APH1B: variants seen among roughly 807,000 people sequenced by gnomAD.
APH1B encodes the protein aph-1B gamma-secretase subunit.
APH1B carries 27 observed loss-of-function variants against 28.2 expected under a neutral mutation model. The ratio of observed to expected loss-of-function variants is 0.96; its 90% CI spans 0.70 to 1.32. The LOEUF (loss-of-function observed/expected upper bound fraction) is 1.32, where lower values mean the gene tolerates loss of function less well. Among genes scored for constraint, APH1B ranks in the 40% most tolerant of loss-of-function variants. APH1B has a pLI of 0.00. For synonymous variants in APH1B, 141 were observed against 124.6 expected (o/e 1.13, Z -0.88); for missense variants, 305 against 313.6 (o/e 0.97, Z 0.21).
chr15:63,291,044 A>G (rs548459446), intron 4 of APH1B, among the ~76,000 whole-genome samples: 2 of 151,492 alleles, frequency 1.3e-5, no homozygotes, highest in South Asian at 4.1e-4. Flanking sequence ...TTGTCCTTCC[A>G]TCTAATCTTC....
chr15:63,293,354 TG>T (rs2038526126), intron 4 of APH1B, among the ~76,000 whole-genome samples: 3 of 151,792 alleles, frequency 2.0e-5, no homozygotes, highest in African/African-American at 7.2e-5. Context: ...TTAGTAGAGA[TG>T]GGGGTTTCAC....
intron 4 of APH1B, among the ~76,000 whole-genome samples, chr15:63,288,379 A>T (rs1022494749): frequency 1.3e-5 from 2 of 152,204 alleles, no homozygotes; most frequent in African/African-American, 2.4e-5. Flanking sequence ...AAATTTCTGC[A>T]GTAGTTTAGA....
intron 2 of APH1B, among the ~76,000 whole-genome samples, chr15:63,282,416 C>A (rs1322841555): frequency 6.6e-6 from 1 of 152,122 alleles, no homozygotes; most frequent in Non-Finnish European, 1.5e-5. Flanking sequence ...TGAGTTAGAC[C>A]TTAATCACTT....
At chr15:63,298,119 A>C (rs1032747816) in intron 4 of APH1B, among the ~76,000 whole-genome samples, 2 of 152,202 alleles carry the variant, frequency 1.3e-5, no homozygotes, top group African/African-American at 4.8e-5. Flanking sequence ...GGGTTGATGA[A>C]AGAGGGGAGG....
intron 2 of APH1B, among the ~76,000 whole-genome samples, chr15:63,280,810 A>G (rs1368987906): frequency 6.6e-6 from 1 of 152,242 alleles, no homozygotes; most frequent in African/African-American, 2.4e-5. Context: ...AGTTACTACC[A>G]TTCTACAATT....
In APH1B at chr15:63,277,715, G is replaced by T. The variant is rs2038339499; in HGVS notation, c.92G>T (p.Arg31Leu). ...TTCACCATCGCCACCGAGCCGTTGC[G>T]TATCATCTTCCTCATCGCCGGGTGA... ...YVFTIATEPL[R>L]IIFLIAGAFF... The change falls in exon 1 of 6, where the codon CGT becomes CTT. Residue 31 changes from arginine to leucine, a missense_variant. By Grantham distance (102) the Arg-to-Leu change is moderately radical. Coordinates refer to ENST00000261879, the MANE Select transcript of APH1B (RefSeq NM_031301.4). 2 of 1,610,770 alleles carry T rather than the reference G, an allele frequency of 1.2e-6. No homozygotes were observed. The highest frequency in any genetic ancestry group is 1.7e-6 in the Non-Finnish European group (2 of 1,178,620).
intron 4 of APH1B, among the ~76,000 whole-genome samples, chr15:63,294,344 G>A (rs1005237424): frequency 3.9e-5 from 6 of 152,144 alleles, no homozygotes; most frequent in African/African-American, 1.4e-4. Context: ...CCGCCCCCCG[G>A]CAACCTCTCA....
chr15:63,278,710 T>C (rs551241059), intron 1 of APH1B, among the ~76,000 whole-genome samples: 1 of 152,358 alleles, frequency 6.6e-6, no homozygotes, highest in East Asian at 1.9e-4. Flanking sequence ...CTGGAAAAGA[T>C]ACTCATCTTT....
chr15:63,306,619 T>G lies in APH1B; in HGVS notation c.*838T>G, dbSNP rs2038690600. On this transcript the variant is annotated 3_prime_UTR_variant, in exon 6 of 6. Coordinates refer to ENST00000261879, the MANE Select transcript of APH1B (RefSeq NM_031301.4). ...TTGGCTGCAGCGTTCACCATCTGAGTGCCAGTTGCTGGACTAGTTGAGGTG... is the reference window on the plus strand; with the variant it reads ...TTGGCTGCAGCGTTCACCATCTGAGGGCCAGTTGCTGGACTAGTTGAGGTG... 1 of 152,268 alleles carries G rather than the reference T, an allele frequency of 6.6e-6. No homozygotes were observed. Among genetic ancestry groups the G allele is most frequent in the Non-Finnish European group, 1.5e-5 (1 of 68,076 alleles). The allele number at this position is 152,268 out of a possible 1,614,324, so 9.4% of individuals were successfully genotyped here.
At chr15:63,303,360 T>C (rs1211939258) in intron 5 of APH1B, among the ~76,000 whole-genome samples, 2 of 152,224 alleles carry the variant, frequency 1.3e-5, no homozygotes, top group Non-Finnish European at 2.9e-5. Flanking sequence ...CAACGTTTGC[T>C]CTTGTGTCTG....
chr15:63,299,075 A>G (rs1423179838), intron 4 of APH1B, among the ~76,000 whole-genome samples: 1 of 152,144 alleles, frequency 6.6e-6, no homozygotes, highest in East Asian at 1.9e-4. Context: ...AAAAAAGAAA[A>G]CCAGAGGTAT....
At chr15:63,302,983 T>C (rs1054740768) in intron 5 of APH1B, among the ~76,000 whole-genome samples, 3 of 152,208 alleles carry the variant, frequency 2.0e-5, no homozygotes, top group African/African-American at 7.2e-5. Flanking sequence ...TGTTGGTGTA[T>C]ATTGAATAGT....
intron 1 of APH1B, 95 bp downstream of exon 1, chr15:63,277,831 C>A: frequency 1.6e-6 from 2 of 1,236,754 alleles, no homozygotes; most frequent in Non-Finnish European, 2.3e-6. Flanking sequence ...GCGGCTCGAC[C>A]TTGTTGCGTT....
chr15:63,277,762 G>A (rs1197868637), intron 1 of APH1B, 26 bp downstream of exon 1: 13 of 1,596,998 alleles, frequency 8.1e-6, no homozygotes, highest in Middle Eastern at 1.7e-4. Flanking sequence ...CGGGAAACCC[G>A]GACGCCGGGG....
rs2038710024 is a variant in APH1B at position 63,308,509 on chromosome 15, C to G, written c.*2728C>G. The G allele has an allele frequency of 6.6e-6, 1 of 152,026 alleles. No individual in the cohort carries two copies. The highest frequency in any genetic ancestry group is 1.5e-5 in the Non-Finnish European group (1 of 68,012). The allele number at this position is 152,026 out of a possible 1,614,324, so 9.4% of individuals were successfully genotyped here. On this transcript the variant is annotated 3_prime_UTR_variant, in exon 6 of 6. Coordinates refer to ENST00000261879, the MANE Select transcript of APH1B (RefSeq NM_031301.4). ...TTGTTCCCAGCGTTAACATTTTCTTCTCAATCACATTTCAATGTTTGTGGA... is the reference window on the plus strand; with the variant it reads ...TTGTTCCCAGCGTTAACATTTTCTTGTCAATCACATTTCAATGTTTGTGGA...
intron 2 of APH1B, among the ~76,000 whole-genome samples, chr15:63,285,473 A>C (rs2038435381): frequency 6.6e-6 from 1 of 152,212 alleles, no homozygotes; most frequent in South Asian, 2.1e-4. Context: ...AGGATCTTAC[A>C]TTATTGCAGA....
chr15:63,300,565 C>T (rs2038616106), intron 4 of APH1B, among the ~76,000 whole-genome samples: 1 of 152,218 alleles, frequency 6.6e-6, no homozygotes, highest in Non-Finnish European at 1.5e-5. Flanking sequence ...CCCGCCGTCA[C>T]CAAGCATCTC....
At chr15:63,292,848 G>A (rs1157623673) in intron 4 of APH1B, among the ~76,000 whole-genome samples, 1 of 152,200 alleles carries the variant, frequency 6.6e-6, no homozygotes, top group Non-Finnish European at 1.5e-5. Context: ...CACATCACAG[G>A]CATCAGTCTT....
At chr15:63,280,204 G>GA (rs2038370838) in intron 2 of APH1B, among the ~76,000 whole-genome samples, 1 of 152,150 alleles carries the variant, frequency 6.6e-6, no homozygotes. Context: ...ATCTATAATA[G>GA]AAAATCACAT....
Sources: gnomAD v4.1 joint callset for allele counts (sites outside exome capture counted in the v4.1 genomes callset) on GRCh38, gnomAD v4.1.1 for gene constraint, MANE v1.5 for transcripts, NCBI Gene and HGNC (gene_info 2026-07-23, HGNC 2026-07-21) for gene names.